Variants in EYS observed in about 807,000 individuals in gnomAD.
EYS encodes the protein protein eyes shut homolog.
A neutral mutation model predicts 282.1 loss-of-function variants in EYS; 250 were observed. That is an observed-to-expected ratio of 0.89 (90% CI 0.80 to 0.98). The LOEUF is 0.98. Among genes scored for constraint, EYS ranks in the 50% least tolerant of loss-of-function variants. The pLI is 0.00. For synonymous variants in EYS, 1,355 were observed against 1,282.9 expected (o/e 1.06, Z -1.20); for missense variants, 4,016 against 3,709.0 (o/e 1.08, Z -2.15).
At chr6:64,078,834 TTAATG>T (rs1771859145) in intron 32 of EYS, among the ~76,000 whole-genome samples, 1 of 152,036 alleles carries the variant, frequency 6.6e-6, no homozygotes, top group African/African-American at 2.4e-5. Context: ...AGTACGAACT[TTAATG>T]GAGTGTATAT....
At chr6:65,599,743 A>G (rs1199972397) in intron 2 of EYS, among the ~76,000 whole-genome samples, 1 of 152,022 alleles carries the variant, frequency 6.6e-6, no homozygotes, top group African/African-American at 2.4e-5. Context: ...AGTCTCCCAG[A>G]CACCTTTCCT....
intron 18 of EYS, among the ~76,000 whole-genome samples, chr6:64,898,014 C>G (rs191755209): frequency 2.4e-4 from 36 of 152,248 alleles, no homozygotes; most frequent in East Asian, 1.5e-3. Flanking sequence ...AGAATGGAAC[C>G]AAATTGGAAA....
chr6:63,762,700 C>G, intron 40 of EYS, 67 bp from the exon 41 acceptor site: 1 of 1,360,226 alleles, frequency 7.4e-7, no homozygotes, highest in Non-Finnish European at 1.0e-6. Context: ...CTATGTATTG[C>G]CCTGATGCTA....
rs557814158 is a variant in EYS at position 65,198,342 on chromosome 6, T to C, written c.2023+97521A>G. Reference sequence around the variant, plus strand: ...TTGTTTTATGGTGAACTTTTTGTTATAAATAACTAGAAAGAATATACTCTA... The same window carrying C: ...TTGTTTTATGGTGAACTTTTTGTTACAAATAACTAGAAAGAATATACTCTA... On this transcript the variant is annotated intron_variant, in intron 12 of 42. Transcript: ENST00000503581. Among the ~76,000 whole-genome samples the C allele has an allele frequency of 2.2e-4, 34 of 152,244 alleles. No individual in the cohort carries two copies. The South Asian group carries it at 6.0e-3, about 27-fold the overall frequency.
chr6:63,967,582 G>A (rs911906926), intron 35 of EYS, among the ~76,000 whole-genome samples: 1 of 152,104 alleles, frequency 6.6e-6, no homozygotes. Context: ...CACAAGTGAC[G>A]ATAAGCAAGT....
At chr6:65,291,613 T>A (rs767492431) in intron 12 of EYS, among the ~76,000 whole-genome samples, 6 of 151,488 alleles carry the variant, frequency 4.0e-5, no homozygotes, top group Non-Finnish European at 7.4e-5. Flanking sequence ...TTCCATGACA[T>A]GAATGGGTAG....
At chr6:64,840,958 A>G (rs979128900) in intron 19 of EYS, among the ~76,000 whole-genome samples, 3 of 152,130 alleles carry the variant, frequency 2.0e-5, no homozygotes, top group African/African-American at 7.2e-5. Flanking sequence ...ACCCATCATA[A>G]CAGAAAGTTG....
intron 26 of EYS, among the ~76,000 whole-genome samples, chr6:64,530,329 T>G (rs1432674478): frequency 2.0e-5 from 3 of 152,014 alleles, no homozygotes; most frequent in Non-Finnish European, 4.4e-5. Context: ...GAGTAGATGT[T>G]AATATAACTT....
chr6:64,629,995 TA>T (rs1444488265), intron 22 of EYS, among the ~76,000 whole-genome samples: 1 of 152,230 alleles, frequency 6.6e-6, no homozygotes, highest in African/African-American at 2.4e-5. Flanking sequence ...AGAAAGGGTT[TA>T]GTTTTCATCA....
intron 14 of EYS, among the ~76,000 whole-genome samples, chr6:64,948,176 G>A (rs1433971641): frequency 2.6e-5 from 4 of 151,182 alleles, no homozygotes; most frequent in Non-Finnish European, 5.9e-5. Flanking sequence ...AAAGGATGAA[G>A]AAAATATAAT....
intron 41 of EYS, among the ~76,000 whole-genome samples, chr6:63,761,388 G>A (rs889153297): frequency 6.6e-6 from 1 of 151,958 alleles, no homozygotes; most frequent in Admixed American, 6.6e-5. Context: ...CTTAAGACAT[G>A]ATTAAACATT....
chr6:65,181,115 C>T (rs1217776741), intron 12 of EYS, among the ~76,000 whole-genome samples: 1 of 152,056 alleles, frequency 6.6e-6, no homozygotes, highest in Non-Finnish European at 1.5e-5. Flanking sequence ...TAGAAGAAAA[C>T]CTAGGCAGTA....
chr6:65,698,501 C>A (rs1769539736), intron 1 of EYS, among the ~76,000 whole-genome samples: 1 of 152,082 alleles, frequency 6.6e-6, no homozygotes, highest in Non-Finnish European at 1.5e-5. Context: ...TGAAAACTAT[C>A]CACATTTACT....
intron 22 of EYS, among the ~76,000 whole-genome samples, chr6:64,718,519 T>C (rs1046335146): frequency 1.3e-5 from 2 of 152,210 alleles, no homozygotes; most frequent in Non-Finnish European, 2.9e-5. Context: ...CAGTTTATCA[T>C]TTTTTCAAAT....
intron 12 of EYS, among the ~76,000 whole-genome samples, chr6:65,244,502 CTATTTATT>C (rs369691470): frequency 1.3e-5 from 2 of 151,348 alleles, no homozygotes; most frequent in Non-Finnish European, 3.0e-5. Flanking sequence ...ATTATCCGAA[CTATTTATT>C]TATTTATTTA....
At chr6:64,071,979 T>C (rs1771597046) in intron 32 of EYS, among the ~76,000 whole-genome samples, 1 of 151,602 alleles carries the variant, frequency 6.6e-6, no homozygotes, top group African/African-American at 2.4e-5. Context: ...TGAAGAAACA[T>C]ATAGAGCCGG....
At chr6:64,975,689 G>C (rs920650776) in intron 14 of EYS, among the ~76,000 whole-genome samples, 7 of 151,712 alleles carry the variant, frequency 4.6e-5, no homozygotes, top group Non-Finnish European at 7.4e-5. Context: ...AATTCTGTAA[G>C]AACTTTTGCT....
chr6:63,914,600 C>T (rs565444676), intron 35 of EYS, among the ~76,000 whole-genome samples: 1 of 151,968 alleles, frequency 6.6e-6, no homozygotes, highest in East Asian at 1.9e-4. Flanking sequence ...CCCAGCTACT[C>T]AGGAGGCTGA....
chr6:64,428,716 C>A (rs766224731), intron 28 of EYS, among the ~76,000 whole-genome samples: 24 of 151,996 alleles, frequency 1.6e-4, no homozygotes, highest in Non-Finnish European at 3.4e-4. Flanking sequence ...CAGAAATAAG[C>A]CAATTATACT....
Sources: gnomAD v4.1 joint callset for allele counts (sites outside exome capture counted in the v4.1 genomes callset) on GRCh38, gnomAD v4.1.1 for gene constraint, MANE v1.5 for transcripts, NCBI Gene and HGNC (gene_info 2026-07-23, HGNC 2026-07-21) for gene names.